The following RIMS1 variants were observed in gnomAD, a reference collection of about 807,000 sequenced individuals.
RIMS1 encodes regulating synaptic membrane exocytosis 1.
In RIMS1, 83 loss-of-function variants were observed where a neutral mutation model predicts 214.1. That is an observed-to-expected ratio of 0.39 (90% confidence interval 0.32 to 0.47). RIMS1 has a LOEUF of 0.47. Ranked by LOEUF, RIMS1 falls within the 20% of genes least tolerant of loss-of-function variation. RIMS1 has a pLI of 0.99. For synonymous variants in RIMS1, 793 were observed against 786.8 expected (o/e 1.01, Z -0.13); for missense variants, 2,050 against 2,161.8 (o/e 0.95, Z 1.03).
intron 31 of RIMS1, among the ~76,000 whole-genome samples, chr6:72,395,089 A>T (rs1245796403): frequency 6.6e-6 from 1 of 152,082 alleles, no homozygotes; most frequent in African/African-American, 2.4e-5. Context: ...AGAACTATAG[A>T]ATACCACCAA....
chr6:72,158,453 C>T (rs570692847), intron 4 of RIMS1, among the ~76,000 whole-genome samples: 1 of 139,416 alleles, frequency 7.2e-6, no homozygotes, highest in South Asian at 2.4e-4. Context: ...TACATGTGCA[C>T]AACGTGCAGG....
At chr6:71,887,599 C>T (rs1034294963) in intron 1 of RIMS1, among the ~76,000 whole-genome samples, 4 of 152,138 alleles carry the variant, frequency 2.6e-5, no homozygotes, top group African/African-American at 9.7e-5. Context: ...GTGCTGAGGA[C>T]AGCTCCTCTT....
At chr6:72,271,282 AAAAAATATATATATATATAT>A (rs2083098272) in intron 22 of RIMS1, among the ~76,000 whole-genome samples, 1 of 68,350 alleles carries the variant, frequency 1.5e-5, no homozygotes, top group Non-Finnish European at 2.9e-5. Flanking sequence ...AAAAAAAAAA[AAAAAATATATATATATATAT>A]ATATATATAT....
rs536513486 is a variant in RIMS1, at chr6:72,290,446, G to T, written c.3555-233G>T. 5.3e-5 allele frequency among the ~76,000 whole-genome samples: 8 copies of T among 152,248 alleles called. No individual in the cohort carries two copies. The South Asian group carries it at 8.3e-4, about 16-fold the overall frequency. On this transcript the variant is annotated intron_variant, in intron 24 of 33. Transcript: ENST00000521978. ...CTGCTGTTGGTGGAACATACAAGAG[G>T]TTTATTACATTAGAGCAACACCAAT...
intron 2 of RIMS1, among the ~76,000 whole-genome samples, chr6:72,039,044 A>G (rs1461715128): frequency 1.3e-5 from 2 of 152,182 alleles, no homozygotes; most frequent in East Asian, 1.9e-4. Context: ...TGACAATTCA[A>G]TATTGAAAAT....
chr6:72,019,732 T>C (rs1813987383), intron 2 of RIMS1, among the ~76,000 whole-genome samples: 1 of 152,168 alleles, frequency 6.6e-6, no homozygotes, highest in Admixed American at 6.6e-5. Flanking sequence ...CTGTGCTGAA[T>C]CTTGGCTCCG....
At position 72,160,878 on chromosome 6, in the gene RIMS1, C is replaced by G. The variant is rs1369720425; in HGVS notation, c.472-18697C>G. Among the ~76,000 whole-genome samples the G allele has an allele frequency of 2.9e-5, 4 of 140,034 alleles. 1 individual carries two copies. The highest frequency in any genetic ancestry group is 4.9e-5 in the Non-Finnish European group (3 of 61,706). 91.9% of individuals were successfully genotyped at this position (140,034 alleles called of 152,430 possible). On this transcript the variant is annotated intron_variant, in intron 4 of 33. Transcript: ENST00000521978. ...TTGTGTCTCTGCCAGGCTTTGGTATCAGGATGATGCTGGCCTCATAAAATG... is the reference window on the plus strand; with the variant it reads ...TTGTGTCTCTGCCAGGCTTTGGTATGAGGATGATGCTGGCCTCATAAAATG...
At chr6:72,324,823 G>A (rs545656440) in intron 28 of RIMS1, among the ~76,000 whole-genome samples, 19 of 151,738 alleles carry the variant, frequency 1.3e-4, no homozygotes, top group South Asian at 6.2e-4. Context: ...CTGTTTTCCC[G>A]CCACAACAAT....
At chr6:72,272,543 G>A (rs1328705578) in intron 22 of RIMS1, among the ~76,000 whole-genome samples, 2 of 152,012 alleles carry the variant, frequency 1.3e-5, no homozygotes, top group African/African-American at 2.4e-5. Flanking sequence ...CCTTTTAATC[G>A]CTTGCATTCA....
chr6:72,232,297 G>A (rs1033175947), intron 6 of RIMS1, among the ~76,000 whole-genome samples: 2 of 151,552 alleles, frequency 1.3e-5, no homozygotes, highest in Non-Finnish European at 3.0e-5. Flanking sequence ...TAACATTTGT[G>A]TTAGTAGTAA....
In RIMS1 at chr6:72,254,533, C is replaced by A. The variant is rs1317727908; in HGVS notation, c.2770+1701C>A. ...AACAGGAATCTTAACTATTAGTCAG[C>A]CTTAATGTTGTCATTACCAATTTAT... On this transcript the variant is annotated intron_variant, in intron 16 of 33. Coordinates refer to ENST00000521978, the MANE Select transcript of RIMS1 (RefSeq NM_014989.7). 7.9e-5 allele frequency among the ~76,000 whole-genome samples: 12 copies of A among 152,200 alleles called. No homozygotes were observed. The East Asian group carries it at 2.3e-3, about 29-fold the overall frequency.
At chr6:71,901,765 G>C (rs1173242619) in intron 1 of RIMS1, among the ~76,000 whole-genome samples, 1 of 152,106 alleles carries the variant, frequency 6.6e-6, no homozygotes, top group Non-Finnish European at 1.5e-5. Flanking sequence ...GCATTTCACT[G>C]TATTTAAATT....
intron 4 of RIMS1, among the ~76,000 whole-genome samples, chr6:72,111,243 C>G (rs1042539451): frequency 6.6e-6 from 1 of 152,124 alleles, no homozygotes; most frequent in African/African-American, 2.4e-5. Context: ...CCTCTCCTTT[C>G]TATTATCCAA....
At chr6:72,102,471 A>C (rs185504667) in intron 4 of RIMS1, among the ~76,000 whole-genome samples, 1 of 152,058 alleles carries the variant, frequency 6.6e-6, no homozygotes, top group African/African-American at 2.4e-5. Context: ...ATATCAAAGT[A>C]ATAACAAGAC....
chr6:72,347,513 G>T (rs1220307204), intron 29 of RIMS1, among the ~76,000 whole-genome samples: 1 of 151,810 alleles, frequency 6.6e-6, no homozygotes, highest in Non-Finnish European at 1.5e-5. Context: ...TTAACTTATG[G>T]TGTAGGCCAC....
rs777214787 is a variant in RIMS1, at chr6:72,024,900, G to GTTTTTTTTTTTTT, written c.245+55848_245+55860dup. ...AACTCAGGATTCTTAAAATCTGTGG[G>GTTTTTTTTTTTTT]TTTTTTTTTTTTTTTTTTTTTTTGA... On this transcript the variant is annotated intron_variant, in intron 2 of 33. Transcript: ENST00000521978. Among the ~76,000 whole-genome samples the GTTTTTTTTTTTTT allele has an allele frequency of 1.2e-4, 12 of 98,666 alleles. 1 individual carries two copies. The highest frequency in any genetic ancestry group is 2.3e-4 in the African/African-American group (6 of 26,622). The allele number at this position is 98,666 out of a possible 152,430, so 64.7% of individuals were successfully genotyped here.
intron 28 of RIMS1, among the ~76,000 whole-genome samples, chr6:72,325,362 A>G (rs189702061): frequency 1.3e-5 from 2 of 151,656 alleles, no homozygotes; most frequent in Middle Eastern, 3.4e-3. Flanking sequence ...AATATATAAA[A>G]TATTTCTCTT....
chr6:72,017,369 A>G (rs541562194), intron 2 of RIMS1, among the ~76,000 whole-genome samples: 31 of 152,362 alleles, frequency 2.0e-4, no homozygotes, highest in African/African-American at 7.0e-4. Flanking sequence ...GATAAAAACT[A>G]TACTTTGCTT....
intron 4 of RIMS1, among the ~76,000 whole-genome samples, chr6:72,172,024 A>T (rs528755179): frequency 1.3e-5 from 2 of 152,268 alleles, no homozygotes; most frequent in African/African-American, 4.8e-5. Context: ...ATAACAGAAA[A>T]AAACCAATAT....
Sources: allele counts gnomAD v4.1 joint callset (sites outside exome capture counted in the v4.1 genomes callset), GRCh38; gene constraint gnomAD v4.1.1; transcripts MANE v1.5; gene names NCBI Gene and HGNC (gene_info 2026-07-23, HGNC 2026-07-21).